The following XPNPEP2 variants were observed in gnomAD, a reference collection of about 807,000 sequenced individuals.
XPNPEP2 encodes xaa-Pro aminopeptidase 2.
Under a neutral mutation model 59.8 loss-of-function variants are expected in XPNPEP2, and 64 were observed. That is an observed-to-expected ratio of 1.07 (90% CI 0.87 to 1.32). The LOEUF (loss-of-function observed/expected upper bound fraction) is 1.32, where lower values mean the gene tolerates loss of function less well. Ranked by LOEUF, XPNPEP2 falls within the 40% of genes most tolerant of loss-of-function variation. XPNPEP2 has a pLI of 0.00. For missense variants in XPNPEP2, 575 were observed against 546.8 expected, an observed-to-expected ratio of 1.05 and a Z score of -0.51; for synonymous variants, 235 against 210.0, an observed-to-expected ratio of 1.12 and a Z score of -1.03.
In XPNPEP2 at chrX:129,750,340, T is replaced by C. The variant is rs1421537596; in HGVS notation, c.638-128T>C. On this transcript the variant is annotated intron_variant, in intron 7 of 20. Coordinates refer to ENST00000371106, the MANE Select transcript of XPNPEP2 (RefSeq NM_003399.6). ...TAATGAGTACACAAGTAAGAGTTTG[T>C]TTGAGGAAAGGGTTTCGCTGCTTTT... 1.4e-5 allele frequency: 7 copies of C among 488,311 alleles called. No homozygotes were observed. In the African/African-American group the frequency reaches 1.7e-4, roughly 12 times the overall value. The allele number at this position is 488,311 out of a possible 1,213,427, so 40.2% of individuals were successfully genotyped here. A position where few individuals can be genotyped will look rare whatever the true frequency, so the allele number is the denominator to read the frequency against.
intron 1 of XPNPEP2, among the ~76,000 whole-genome samples, chrX:129,740,956 AG>A (rs1230816512): frequency 6.1e-5 from 6 of 98,894 alleles, no homozygotes; most frequent in African/African-American, 1.1e-4. Context: ...AAAAAAAAGG[AG>A]GGGGGGCGGG....
rs1344455882 is a variant in XPNPEP2, at chrX:129,768,791, C to T, written c.*306C>T. 3 of 201,883 alleles carry T rather than the reference C, an allele frequency of 1.5e-5. No individual in the cohort carries two copies. The highest frequency in any genetic ancestry group is 1.8e-4 in the East Asian group (2 of 11,393). 16.6% of individuals were successfully genotyped at this position (201,883 alleles called of 1,213,427 possible). On this transcript the variant is annotated 3_prime_UTR_variant, in exon 21 of 21. Coordinates refer to ENST00000371106, the MANE Select transcript of XPNPEP2 (RefSeq NM_003399.6). The stretch of plus-strand genomic sequence containing the variant: ...TCTTCTGTGATCTCAGTAGGCCTAA[C>T]CTATAACCTAGCACAGACTGCTACA...
chrX:129,744,543 C>T (rs1296852190), intron 3 of XPNPEP2, among the ~76,000 whole-genome samples: 1 of 111,762 alleles, frequency 8.9e-6, no homozygotes, highest in Non-Finnish European at 1.9e-5. Context: ...CGTTTCCCCT[C>T]ACTAGCTCCA....
chrX:129,743,304 G>A (rs1569475592), intron 2 of XPNPEP2, among the ~76,000 whole-genome samples: 1 of 112,017 alleles, frequency 8.9e-6, no homozygotes, highest in Non-Finnish European at 1.9e-5. Context: ...GTCTGGAAAG[G>A]GTCTTTCTGG....
Position 129,752,250 on chromosome X carries a change from G to A in XPNPEP2, c.922G>A (p.Val308Ile). Residue 308 changes from valine to isoleucine, a missense_variant, in exon 10 of 21, where the codon GTT becomes ATT. By Grantham distance (29) the Val-to-Ile change is conservative. Coordinates refer to ENST00000371106, the MANE Select transcript of XPNPEP2 (RefSeq NM_003399.6). ...TGTGCAAATCGAGGATTACAGCCAA[G>A]TTCGTGACAGCATCCAGGCCTACTC... ...MCVQIEDYSQ[V>I]RDSIQAYSLG... 8.3e-7 allele frequency: 1 copy of A among 1,211,748 alleles called. No homozygotes were observed. The highest frequency in any genetic ancestry group is 1.8e-5 in the South Asian group (1 of 57,014).
At chrX:129,741,489 ACTGTAGATGAATTG>A (rs1347321675) in intron 1 of XPNPEP2, among the ~76,000 whole-genome samples, 1 of 112,475 alleles carries the variant, frequency 8.9e-6, no homozygotes, top group Non-Finnish European at 1.9e-5. Flanking sequence ...CAAATGAGAT[ACTGTAGATGAATTG>A]CTGCGTTCAG....
chrX:129,767,687 G>A lies in XPNPEP2; in HGVS notation c.1825G>A (p.Glu609Lys), dbSNP rs762041216. 1.6e-5 allele frequency: 19 copies of A among 1,208,969 alleles called. No individual in the cohort carries two copies. The highest frequency in any genetic ancestry group is 3.0e-5 in the East Asian group (1 of 33,752). The change falls in exon 20 of 21, where the codon GAG becomes AAG. Residue 609 changes from glutamate (E) to lysine (K), a missense_variant. Glu to Lys is a moderately conservative substitution (Grantham distance 56). Coordinates refer to ENST00000371106, the MANE Select transcript of XPNPEP2 (RefSeq NM_003399.6). ...CATCGATGTCAGCCTGCTGTCTCCCGAGCATGTGAGTGCCCCTCAGCATTG... is the reference window on the plus strand; with the variant it reads ...CATCGATGTCAGCCTGCTGTCTCCCAAGCATGTGAGTGCCCCTCAGCATTG... The part of the protein sequence containing the change: ...NLIDVSLLSP[E>K]HLQYLNRYYQ...
intron 16 of XPNPEP2, among the ~76,000 whole-genome samples, 178 bp downstream of exon 16, chrX:129,760,759 G>A (rs1031759849): frequency 8.9e-6 from 1 of 111,824 alleles, no homozygotes; most frequent in African/African-American, 3.3e-5. Context: ...GAAGGTTAGC[G>A]GGAGATCCAG....
chrX:129,755,698 C>T (rs1412789754), intron 13 of XPNPEP2, among the ~76,000 whole-genome samples: 1 of 112,891 alleles, frequency 8.9e-6, no homozygotes, highest in Admixed American at 9.3e-5. Flanking sequence ...TTCACTCAGC[C>T]TGAACCAGCC....
At chrX:129,767,514 C>A in intron 19 of XPNPEP2, 89 bp from the exon 20 acceptor site, 1 of 950,141 alleles carries the variant, frequency 1.1e-6, no homozygotes, top group Non-Finnish European at 1.5e-6. Context: ...CTTGTGTCCT[C>A]CGGGTGGAGT....
At chrX:129,745,680 A>G (rs2076203) in intron 4 of XPNPEP2, among the ~76,000 whole-genome samples, 50,427 of 110,559 alleles carry the variant, frequency 0.46, 10,225 homozygotes, top group African/African-American at 0.79. Flanking sequence ...TCACATGGCC[A>G]AATGAGACAC....
At chrX:129,751,017 C>G (rs1218548315) in intron 8 of XPNPEP2, among the ~76,000 whole-genome samples, 5 of 109,893 alleles carry the variant, frequency 4.5e-5, no homozygotes, top group Non-Finnish European at 7.6e-5. Flanking sequence ...CCCACTGGAA[C>G]TGTGTGCTGA....
At chrX:129,745,122 T>A in intron 3 of XPNPEP2, 81 bp from the exon 4 acceptor site, 8 of 1,116,364 alleles carry the variant, frequency 7.2e-6, no homozygotes, top group Non-Finnish European at 9.8e-6. Flanking sequence ...CAGACAGAAA[T>A]AACTGGGATG....
In XPNPEP2 at chrX:129,750,539, G is replaced by A. The variant is rs761857904; in HGVS notation, c.709G>A (p.Val237Ile). ...GAAGCATCAAAAGGTCCCGACTGCC[G>A]TCCTTCTGTCGGCGCTTGAGGAGAC... ...MQKHQKVPTA[V>I]LLSALEETAW... The change falls in exon 8 of 21, where the codon GTC becomes ATC. Residue 237 changes from valine to isoleucine, a missense_variant. Val to Ile is a conservative substitution (Grantham distance 29). Coordinates refer to ENST00000371106, the MANE Select transcript of XPNPEP2 (RefSeq NM_003399.6). 4.0e-5 allele frequency: 48 copies of A among 1,189,891 alleles called. No individual in the cohort carries two copies. In the East Asian group the frequency reaches 8.4e-4, roughly 21 times the overall value.
chrX:129,751,654 A>T (rs1404029244), intron 8 of XPNPEP2, 91 bp from the exon 9 acceptor site: 1 of 603,781 alleles, frequency 1.7e-6, no homozygotes, highest in African/African-American at 2.3e-5. Flanking sequence ...GAGGAAGGAA[A>T]GAAGGAAGGA....
intron 8 of XPNPEP2, among the ~76,000 whole-genome samples, 183 bp from the exon 9 acceptor site, chrX:129,751,562 G>GAAAGAAAT: frequency 1.6e-5 from 1 of 60,939 alleles, no homozygotes; most frequent in South Asian, 1.1e-3. Flanking sequence ...AAGAAAGAAA[G>GAAAGAAAT]AAAGAAAGAA....
rs1012904149 is a variant in XPNPEP2 at position 129,760,672 on chromosome X, T to C, written c.1498+91T>C. 4 of 935,160 alleles carry C rather than the reference T, an allele frequency of 4.3e-6. No individual in the cohort carries two copies. In the African/African-American group the frequency reaches 7.8e-5, roughly 18 times the overall value. The allele number at this position is 935,160 out of a possible 1,213,427, so 77.1% of individuals were successfully genotyped here. On this transcript the variant is annotated intron_variant, in intron 16 of 20. Transcript: ENST00000371106. ...CCTGGGAGGCTGGTGGGGCAAGGAT[T>C]TTGTCATCATCCCATCCCTTATGTA...
rs1222263974 is a variant in XPNPEP2, at chrX:129,747,904, A to G, written c.637+151A>G. The G allele has an allele frequency of 9.6e-6, 8 of 833,003 alleles. No homozygotes were observed. The Admixed American group carries it at 1.7e-4, about 18-fold the overall frequency. The allele number at this position is 833,003 out of a possible 1,213,427, so 68.6% of individuals were successfully genotyped here. On this transcript the variant is annotated intron_variant, in intron 7 of 20. Coordinates refer to ENST00000371106, the MANE Select transcript of XPNPEP2 (RefSeq NM_003399.6). ...TGAGTCACCTGGGATGCTTGTTTAAAATGCAGATTTCAGGGCCCCCTCCCC... is the reference window on the plus strand; with the variant it reads ...TGAGTCACCTGGGATGCTTGTTTAAGATGCAGATTTCAGGGCCCCCTCCCC...
At chrX:129,760,872 G>T (rs1926643236) in intron 16 of XPNPEP2, among the ~76,000 whole-genome samples, 1 of 112,014 alleles carries the variant, frequency 8.9e-6, no homozygotes, top group Admixed American at 9.5e-5. Flanking sequence ...AGAGGAATTA[G>T]GTGTCAAAGT....
Sources: allele counts gnomAD v4.1 joint callset (sites outside exome capture counted in the v4.1 genomes callset), GRCh38; gene constraint gnomAD v4.1.1; transcripts MANE v1.5; gene names NCBI Gene and HGNC (gene_info 2026-07-23, HGNC 2026-07-21).